WDR62: variants seen among roughly 807,000 people sequenced by gnomAD.
WDR62 encodes WD repeat domain 62.
A neutral mutation model predicts 160.6 loss-of-function variants in WDR62; 112 were observed. That is an observed-to-expected ratio of 0.70 (90% CI 0.60 to 0.82). The LOEUF (loss-of-function observed/expected upper bound fraction) is 0.82, where lower values mean the gene tolerates loss of function less well. Ranked by LOEUF, WDR62 falls within the 40% of genes least tolerant of loss-of-function variation. The pLI is 0.00. For missense variants in WDR62, 1,819 were observed against 1,983.8 expected, an observed-to-expected ratio of 0.92 and a Z score of 1.58; for synonymous variants, 792 against 815.1, an observed-to-expected ratio of 0.97 and a Z score of 0.48.
chr19:36,072,636 C>T (rs907121169), intron 8 of WDR62, among the ~76,000 whole-genome samples: 2 of 151,992 alleles, frequency 1.3e-5, no homozygotes, highest in South Asian at 4.1e-4. Context: ...GATGCTAGCT[C>T]CTGGGTGCCT....
At chr19:36,101,167 C>T in intron 23 of WDR62, 47 bp from the exon 24 acceptor site, 1 of 1,547,230 alleles carries the variant, frequency 6.5e-7, no homozygotes, top group African/African-American at 1.4e-5. Context: ...GCTGTTGAGT[C>T]TCCAGCTGAA....
In WDR62 at chr19:36,059,975, G is replaced by A. The variant is rs760724995; in HGVS notation, c.277G>A (p.Val93Met). 5 of 1,614,198 alleles carry A rather than the reference G, an allele frequency of 3.1e-6. No individual in the cohort carries two copies. The highest frequency in any genetic ancestry group is 3.4e-6 in the Non-Finnish European group (4 of 1,180,046). The change falls in exon 3 of 32, where the codon GTG becomes ATG. Residue 93 changes from valine to methionine, a missense_variant. Transcript: ENST00000401500. The part of the protein sequence containing the change: ...GHVAYLAGCV[V>M]VILDPKENKQ... Reference sequence around the variant, plus strand: ...TTTCCTCTTTCTTCCCAGCTGTGTGGTGGTGATTTTGGACCCCAAGGAGAA... The same window carrying A: ...TTTCCTCTTTCTTCCCAGCTGTGTGATGGTGATTTTGGACCCCAAGGAGAA...
At chr19:36,089,472 T>G (rs1274599441) in intron 15 of WDR62, among the ~76,000 whole-genome samples, 166 bp downstream of exon 15, 1 of 152,144 alleles carries the variant, frequency 6.6e-6, no homozygotes, top group Non-Finnish European at 1.5e-5. Context: ...GGCAGAGTCT[T>G]GCTCTGTTGC....
intron 9 of WDR62, among the ~76,000 whole-genome samples, chr19:36,078,149 TTTG>T (rs960277214): frequency 4.0e-5 from 6 of 150,946 alleles, no homozygotes; most frequent in Admixed American, 1.3e-4. Context: ...TACAAGTTTT[TTTG>T]TTTTTTTTTT....
intron 21 of WDR62, among the ~76,000 whole-genome samples, chr19:36,097,455 G>A (rs919292044): frequency 6.6e-6 from 1 of 152,246 alleles, no homozygotes; most frequent in Non-Finnish European, 1.5e-5. Flanking sequence ...ATACGTGTCT[G>A]TGGTCCCAGC....
intron 7 of WDR62, among the ~76,000 whole-genome samples, chr19:36,070,001 A>G (rs1028030928): frequency 7.1e-5 from 8 of 112,846 alleles, no homozygotes; most frequent in East Asian, 1.9e-4. Context: ...AGAGAGGGAG[A>G]GGGAGACCGT....
In WDR62 at chr19:36,104,637, C is replaced by T; in HGVS notation, c.4273C>T (p.Gln1425Ter). The change falls in exon 31 of 32, where the codon CAG becomes TAG. Residue 1425 changes from glutamine (Q) to a stop codon, truncating the protein, a stop_gained. Coordinates refer to ENST00000401500, the MANE Select transcript of WDR62 (RefSeq NM_001083961.2). LOFTEE classifies it low-confidence loss of function (END_TRUNC). ...SRVGNILHRL[Q>*]TTFQEALDLY... ...GGTGGGGAACATCTTGCACAGGCTG[C>T]AGACCACCTTCCAAGAAGCCCTCGA... is the stretch of plus-strand genomic sequence containing the variant. 1 of 1,614,102 alleles carries T rather than the reference C, an allele frequency of 6.2e-7. No homozygotes were observed. Among genetic ancestry groups the T allele is most frequent in the Non-Finnish European group, 8.5e-7 (1 of 1,180,020 alleles).
At chr19:36,099,730 G>T in intron 22 of WDR62, 113 bp downstream of exon 22, 1 of 1,062,546 alleles carries the variant, frequency 9.4e-7, no homozygotes, top group Non-Finnish European at 1.4e-6. Context: ...ACATGAGATG[G>T]TGAAGGGCAG....
chr19:36,059,855 C>A, intron 2 of WDR62, 113 bp from the exon 3 acceptor site: 1 of 1,105,106 alleles, frequency 9.0e-7, no homozygotes, highest in Non-Finnish European at 1.4e-6. Context: ...GAGGAGGAGA[C>A]CAGAGAGAAC....
At chr19:36,111,012 TG>T in the WDR62 span, 1 of 585,986 alleles carries the variant, frequency 1.7e-6, no homozygotes, top group Non-Finnish European at 3.0e-6. Flanking sequence ...TGGGAGAAGA[TG>T]GGCAGGTCCC....
At chr19:36,111,085 A>G in the WDR62 span, 7 of 962,664 alleles carry the variant, frequency 7.3e-6, no homozygotes, top group African/African-American at 8.3e-5. Context: ...AATTTGCATG[A>G]AGAGAATGAG....
chr19:36,101,123 G>A (rs1179502829), intron 23 of WDR62, 91 bp from the exon 24 acceptor site: 9 of 1,278,554 alleles, frequency 7.0e-6, no homozygotes, highest in African/African-American at 5.9e-5. Context: ...CAGGAGCAGC[G>A]GGTACAGGTG....
intron 9 of WDR62, among the ~76,000 whole-genome samples, chr19:36,077,429 C>T (rs1269894855): frequency 4.0e-5 from 6 of 151,436 alleles, no homozygotes; most frequent in Non-Finnish European, 5.9e-5. Flanking sequence ...TACAGGCACA[C>T]GCCACCACAC....
At chr19:36,093,901 A>C in intron 19 of WDR62, 130 bp from the exon 20 acceptor site, 2 of 1,125,624 alleles carry the variant, frequency 1.8e-6, no homozygotes. Context: ...GAGACTTGCC[A>C]GCACCATCTT....
intron 9 of WDR62, among the ~76,000 whole-genome samples, chr19:36,078,241 A>G (rs539700160): frequency 1.3e-5 from 2 of 150,446 alleles, no homozygotes; most frequent in Admixed American, 6.6e-5. Flanking sequence ...TCAGGCTCCC[A>G]GGTTCAAGCG....
Position 36,081,948 on chromosome 19 carries a change from G to A in WDR62, c.1371+378G>A, listed in dbSNP as rs78718133. The A allele has an allele frequency of 6.6e-4, 299 of 450,932 alleles. 1 individual carries two copies. The East Asian group carries it at 0.017, about 26-fold the overall frequency. 27.9% of individuals were successfully genotyped at this position (450,932 alleles called of 1,614,324 possible). A position where few individuals can be genotyped will look rare whatever the true frequency, so the allele number is the denominator to read the frequency against. ...CAGCTGCCACACAGTGAGGCCTCACGGGGGTATGGGCAGAATGCTGGCGAG... is the reference window on the plus strand; with the variant it reads ...CAGCTGCCACACAGTGAGGCCTCACAGGGGTATGGGCAGAATGCTGGCGAG... On this transcript the variant is annotated intron_variant, in intron 10 of 31. Transcript: ENST00000401500.
At position 36,101,274 on chromosome 19, in the gene WDR62, C is replaced by G. The variant is rs1463947093; in HGVS notation, c.2928C>G (p.Leu976=). ...GPGDQQGDSY[L]RVSSDSPKDQ... ...GAGACCAGCAGGGCGACTCCTACCT[C>G]AGGGTGTCCTCCGACAGCCCAAAGG... Residue 976 remains leucine (L), a synonymous_variant, in exon 24 of 32, where the codon CTC becomes CTG. Transcript: ENST00000401500. The G allele has an allele frequency of 1.2e-6, 2 of 1,612,998 alleles. No individual in the cohort carries two copies. Among genetic ancestry groups the G allele is most frequent in the Middle Eastern group, 1.6e-4 (1 of 6,062 alleles).
intron 9 of WDR62, 71 bp downstream of exon 9, chr19:36,073,602 C>G (rs1248775175): frequency 7.9e-7 from 1 of 1,260,978 alleles, no homozygotes; most frequent in East Asian, 2.5e-5. Flanking sequence ...GGAACCCATT[C>G]AGTAATTCCT....
chr19:36,109,301 G>A (rs1973764506), downstream of WDR62, among the ~76,000 whole-genome samples: 1 of 152,178 alleles, frequency 6.6e-6, no homozygotes, highest in South Asian at 2.1e-4. Flanking sequence ...CGGGTCCCCA[G>A]GTACCCCTCT....
Sources: gnomAD v4.1 joint callset for allele counts (sites outside exome capture counted in the v4.1 genomes callset) on GRCh38, gnomAD v4.1.1 for gene constraint, MANE v1.5 for transcripts, NCBI Gene and HGNC (gene_info 2026-07-23, HGNC 2026-07-21) for gene names.